FRMD6: variants seen among roughly 807,000 people sequenced by gnomAD.
The protein encoded by FRMD6 is FERM domain-containing protein 6.
In FRMD6, 37 loss-of-function variants were observed where a neutral mutation model predicts 73.2. That is an observed-to-expected ratio of 0.51 (90% CI 0.39 to 0.66). The LOEUF (loss-of-function observed/expected upper bound fraction) is 0.66, where lower values mean the gene tolerates loss of function less well. FRMD6 is among the 30% of genes least tolerant of loss of function. FRMD6 has a pLI of 0.00. For missense variants in FRMD6, 714 were observed against 780.5 expected, an observed-to-expected ratio of 0.91 and a Z score of 1.02; for synonymous variants, 273 against 282.2, an observed-to-expected ratio of 0.97 and a Z score of 0.33.
chr14:51,562,516 C>A (rs1373061931), intron 1 of FRMD6, among the ~76,000 whole-genome samples: 3 of 152,144 alleles, frequency 2.0e-5, no homozygotes, highest in South Asian at 2.1e-4. Context: ...GTCAACCATG[C>A]GTGGGGACTG....
chr14:51,519,025 T>C (rs529717069), intron 1 of FRMD6, among the ~76,000 whole-genome samples: 1 of 152,276 alleles, frequency 6.6e-6, no homozygotes, highest in East Asian at 1.9e-4. Context: ...AACAAGATAG[T>C]CTTGTCCTCA....
At chr14:51,569,964 C>T (rs570676853) in intron 1 of FRMD6, among the ~76,000 whole-genome samples, 144 of 152,006 alleles carry the variant, frequency 9.5e-4, no homozygotes, top group South Asian at 5.6e-3. Flanking sequence ...TACAGGTGTG[C>T]GCCACCACAC....
At chr14:51,657,584 C>T (rs1462121743) in intron 1 of FRMD6, among the ~76,000 whole-genome samples, 3 of 152,096 alleles carry the variant, frequency 2.0e-5, no homozygotes, top group Non-Finnish European at 4.4e-5. Context: ...TGCCCAGTTT[C>T]TTTATCCATT....
the FRMD6 span, among the ~76,000 whole-genome samples, chr14:51,427,469 A>G: frequency 6.6e-6 from 1 of 152,272 alleles, no homozygotes; most frequent in African/African-American, 2.4e-5. Flanking sequence ...AGAAGCACAT[A>G]GAACTTTGGG....
chr14:51,481,010 A>AT, the FRMD6 span, among the ~76,000 whole-genome samples: 1 of 152,266 alleles, frequency 6.6e-6, no homozygotes, highest in African/African-American at 2.4e-5. Context: ...GTGAAACCAC[A>AT]TGTAAAATAC....
intron 10 of FRMD6, among the ~76,000 whole-genome samples, chr14:51,716,296 G>GTT (rs571953637): frequency 7.0e-6 from 1 of 141,976 alleles, no homozygotes; most frequent in African/African-American, 2.6e-5. Context: ...ATTTGGGTTT[G>GTT]TTTTTTTTTT....
intron 2 of FRMD6, among the ~76,000 whole-genome samples, chr14:51,634,648 T>G (rs987721299): frequency 2.6e-5 from 4 of 152,108 alleles, no homozygotes; most frequent in African/African-American, 9.7e-5. Flanking sequence ...TACATAAATG[T>G]TAGCTTTTGA....
rs59151771 is a variant in FRMD6 at position 51,599,058 on chromosome 14, C to CTTTTTTTTTTTT, written c.-147+28664_-147+28675dup. On this transcript the variant is annotated intron_variant, in intron 2 of 14. Transcript: ENST00000356218. ...TCTCAGCAGCCTTGCCAGTATCTGT[C>CTTTTTTTTTTTT]TTTTTTTTTTTTTTTTTTTTTTTTT... 3.7e-3 allele frequency among the ~76,000 whole-genome samples: 267 copies of CTTTTTTTTTTTT among 72,814 alleles called. 22 individuals carry two copies. The highest frequency in any genetic ancestry group is 0.014 in the African/African-American group (252 of 18,182). The allele number at this position is 72,814 out of a possible 152,430, so 47.8% of individuals were successfully genotyped here. A position where few individuals can be genotyped will look rare whatever the true frequency, so the allele number is the denominator to read the frequency against.
At position 51,571,876 on chromosome 14, in the gene FRMD6, G is replaced by T. The variant is rs536294375; in HGVS notation, c.-147+1466G>T. ...TTAATAGACTTATAAATTCAAAAAG[G>T]TTACATCAAACTTTGTCTCATTAAA... On this transcript the variant is annotated intron_variant, in intron 2 of 14. Transcript: ENST00000356218. Among the ~76,000 whole-genome samples the T allele has an allele frequency of 9.2e-5, 14 of 152,244 alleles. No homozygotes were observed. In the East Asian group the frequency reaches 2.7e-3, roughly 29 times the overall value.
chr14:51,667,825 C>A (rs4570742), intron 1 of FRMD6, among the ~76,000 whole-genome samples: 1 of 152,070 alleles, frequency 6.6e-6, no homozygotes, highest in African/African-American at 2.4e-5. Flanking sequence ...AAAGTAAAAT[C>A]TTTTAAAACT....
chr14:51,666,915 G>A (rs1893637316), intron 1 of FRMD6, among the ~76,000 whole-genome samples: 1 of 152,144 alleles, frequency 6.6e-6, no homozygotes, highest in Non-Finnish European at 1.5e-5. Flanking sequence ...CAAGCGCTTT[G>A]CTGGAGCCCC....
rs1898104280 is a variant in FRMD6, at chr14:51,728,449, T to C, written c.*420T>C. The C allele has an allele frequency of 5.7e-6, 1 of 175,820 alleles. No homozygotes were observed. 10.9% of individuals were successfully genotyped at this position (175,820 alleles called of 1,614,324 possible). A position where few individuals can be genotyped will look rare whatever the true frequency, so the allele number is the denominator to read the frequency against. On this transcript the variant is annotated 3_prime_UTR_variant, in exon 14 of 14. Coordinates refer to ENST00000344768, the MANE Select transcript of FRMD6 (RefSeq NM_001267046.2). ...ACTCCCACATAAAATGCTCATAGTT[T>C]GGGAGAGGAAAGAGGGAAGATTCTC...
chr14:51,469,209 G>A, the FRMD6 span, among the ~76,000 whole-genome samples: 7 of 151,706 alleles, frequency 4.6e-5, no homozygotes, highest in South Asian at 4.2e-4. Flanking sequence ...AAAGTGCTGG[G>A]ATTACAGGCG....
chr14:51,564,439 C>T (rs762552728), intron 1 of FRMD6, among the ~76,000 whole-genome samples: 1 of 151,986 alleles, frequency 6.6e-6, no homozygotes, highest in Non-Finnish European at 1.5e-5. Flanking sequence ...AAGAAATTGG[C>T]CTCTTTGAGA....
At chr14:51,674,138 A>C (rs1030832341) in intron 1 of FRMD6, among the ~76,000 whole-genome samples, 4 of 152,154 alleles carry the variant, frequency 2.6e-5, no homozygotes, top group Non-Finnish European at 5.9e-5. Flanking sequence ...CTGAAGGTAA[A>C]AATCCAATGG....
chr14:51,729,347 G>C lies in FRMD6; in HGVS notation c.*1318G>C, dbSNP rs140589627. The C allele has an allele frequency of 1.6e-4, 25 of 152,708 alleles. No individual in the cohort carries two copies. In the East Asian group the frequency reaches 4.6e-3, roughly 28 times the overall value. 9.5% of individuals were successfully genotyped at this position (152,708 alleles called of 1,614,324 possible). ...GAAGTAAAAGTGTACAGAAGACGTA[G>C]TGTATGAGAAAGGGCCATTTTTAAG... On this transcript the variant is annotated 3_prime_UTR_variant, in exon 14 of 14. Coordinates refer to ENST00000344768, the MANE Select transcript of FRMD6 (RefSeq NM_001267046.2).
intron 2 of FRMD6, among the ~76,000 whole-genome samples, chr14:51,624,112 A>G (rs376294225): frequency 1.4e-3 from 120 of 85,592 alleles, no homozygotes; most frequent in African/African-American, 5.7e-3. Flanking sequence ...GAACACATGG[A>G]CACACACGGG....
chr14:51,457,472 G>A, the FRMD6 span, among the ~76,000 whole-genome samples: 1 of 152,112 alleles, frequency 6.6e-6, no homozygotes, highest in African/African-American at 2.4e-5. Context: ...GTGATTTCAG[G>A]TCCTTGCTTT....
At chr14:51,540,876 AG>A (rs909287387) in intron 1 of FRMD6, among the ~76,000 whole-genome samples, 10 of 152,292 alleles carry the variant, frequency 6.6e-5, no homozygotes, top group Admixed American at 6.5e-4. Context: ...TTAAAATACT[AG>A]GAATTCATAT....
Sources: allele counts gnomAD v4.1 joint callset (sites outside exome capture counted in the v4.1 genomes callset), GRCh38; gene constraint gnomAD v4.1.1; transcripts MANE v1.5; gene names NCBI Gene and HGNC (gene_info 2026-07-23, HGNC 2026-07-21).